Variants in SBK1 observed in about 807,000 individuals in gnomAD.
SBK1 encodes serine/threonine-protein kinase SBK1.
In SBK1, 11 loss-of-function variants were observed where a neutral mutation model predicts 24.4. That is an observed-to-expected ratio of 0.45 (90% confidence interval 0.28 to 0.75). The LOEUF (loss-of-function observed/expected upper bound fraction) is 0.75, where lower values mean the gene tolerates loss of function less well. Ranked by LOEUF, SBK1 falls within the 30% of genes least tolerant of loss-of-function variation. The probability of loss-of-function intolerance (pLI) is 0.12; values close to 1 mark genes in which losing one functional copy is unlikely to be tolerated. For missense variants in SBK1, 467 were observed against 620.5 expected (o/e 0.75, Z 2.63); for synonymous variants, 308 against 284.4 (o/e 1.08, Z -0.83).
intron 1 of SBK1, among the ~76,000 whole-genome samples, chr16:28,270,535 C>T (rs1283694928): frequency 1.3e-5 from 2 of 151,878 alleles, no homozygotes; most frequent in South Asian, 4.2e-4. Context: ...AAATGATCCT[C>T]CTATCTGAGC....
intron 1 of SBK1, among the ~76,000 whole-genome samples, chr16:28,315,277 A>C (rs1308492058): frequency 6.6e-6 from 1 of 152,182 alleles, no homozygotes; most frequent in Admixed American, 6.6e-5. Flanking sequence ...CTTTGGGGTA[A>C]TGGATGTGTT....
chr16:28,302,117 A>G (rs2044683792), intron 1 of SBK1, among the ~76,000 whole-genome samples: 1 of 152,138 alleles, frequency 6.6e-6, no homozygotes, highest in South Asian at 2.1e-4. Context: ...GACATTTTTC[A>G]GGGAAGAAGG....
chr16:28,292,462 G>A, upstream of SBK1: 1 of 893,076 alleles, frequency 1.1e-6, no homozygotes, highest in Non-Finnish European at 1.3e-6. Flanking sequence ...GGCGGCGCGC[G>A]AGCCGGAGGG....
intron 1 of SBK1, among the ~76,000 whole-genome samples, chr16:28,296,092 ATTTTTT>A (rs35049604): frequency 8.3e-6 from 1 of 121,208 alleles, no homozygotes; most frequent in Admixed American, 8.5e-5. Context: ...CATCCAGCTA[ATTTTTT>A]TTTTTTTTTT....
chr16:28,275,324 G>GAAA (rs1377008648), intron 1 of SBK1, among the ~76,000 whole-genome samples: 19 of 152,204 alleles, frequency 1.2e-4, no homozygotes, highest in African/African-American at 4.3e-4. Context: ...AAATAAGTGA[G>GAAA]AAATGGGGGT....
intron 1 of SBK1, among the ~76,000 whole-genome samples, chr16:28,272,619 C>CTTTCTTTTTTTTTTTTTTTTT (rs746450878): frequency 9.4e-6 from 1 of 105,966 alleles, no homozygotes; most frequent in African/African-American, 3.5e-5. Context: ...TTCTTTCTTT[C>CTTTCTTTTTTTTTTTTTTTTT]TTTTTTTTTT....
chr16:28,309,485 A>G (rs2044739532), intron 1 of SBK1, among the ~76,000 whole-genome samples: 1 of 152,222 alleles, frequency 6.6e-6, no homozygotes, highest in Admixed American at 6.5e-5. Flanking sequence ...AATAGAAGGC[A>G]TCACTCAGTT....
intron 1 of SBK1, among the ~76,000 whole-genome samples, chr16:28,304,897 C>T (rs559000651): frequency 2.3e-3 from 357 of 152,088 alleles, no homozygotes; most frequent in African/African-American, 7.8e-3. Context: ...CGTGAGCCAC[C>T]GCGCACGGCA....
chr16:28,272,413 T>C (rs879313612), intron 1 of SBK1, among the ~76,000 whole-genome samples: 27 of 152,066 alleles, frequency 1.8e-4, no homozygotes, highest in Admixed American at 1.6e-3. Flanking sequence ...CTTTATTGAA[T>C]CTTTATGCCT....
At chr16:28,285,726 T>G (rs907916824) in intron 1 of SBK1, 1 of 152,256 alleles carries the variant, frequency 6.6e-6, no homozygotes, top group African/African-American at 2.4e-5. Flanking sequence ...TTGCCCAGGC[T>G]GGTATCGAAC....
At chr16:28,292,440 A>G (rs1415553471), upstream of SBK1, 1 of 727,712 alleles carries the variant, frequency 1.4e-6, no homozygotes, top group Non-Finnish European at 1.7e-6. Flanking sequence ...CGGGACGGAC[A>G]AAGGGGCGGG....
At chr16:28,308,979 A>C (rs2044736121) in intron 1 of SBK1, among the ~76,000 whole-genome samples, 1 of 152,034 alleles carries the variant, frequency 6.6e-6, no homozygotes, top group Non-Finnish European at 1.5e-5. Flanking sequence ...CTTGCTGCAT[A>C]ACCCTTGAAT....
At chr16:28,278,598 G>GCC (rs1466673264) in intron 1 of SBK1, among the ~76,000 whole-genome samples, 3 of 152,090 alleles carry the variant, frequency 2.0e-5, no homozygotes, top group Non-Finnish European at 4.4e-5. Flanking sequence ...CACCCAGGCT[G>GCC]AGTTCAATGG....
chr16:28,317,595 C>A lies in SBK1; in HGVS notation c.204C>A (p.Asp68Glu). Residue 68 changes from aspartate to glutamate, a missense_variant, in exon 2 of 4, where the codon GAC becomes GAA. Physicochemically the swap from Asp to Glu is conservative, Grantham distance 45. Transcript: ENST00000341901. The surrounding 1 kb of genome is among the most constrained non-coding windows in gnomAD (Gnocchi z 4.2). ...GCAAAGGCACCTATGGGAAGGTTGA[C>A]CTGGTGGTCTACAAGGGCACAGGTG... ...ELGKGTYGKV[D>E]LVVYKGTGTK... 6.2e-7 allele frequency: 1 copy of A among 1,613,604 alleles called. No individual in the cohort carries two copies. The highest frequency in any genetic ancestry group is 8.5e-7 in the Non-Finnish European group (1 of 1,179,512).
chr16:28,305,056 G>A (rs2044706546), intron 1 of SBK1, among the ~76,000 whole-genome samples: 1 of 151,564 alleles, frequency 6.6e-6, no homozygotes. Context: ...TTCAGGCCCT[G>A]AGCACCTCTG....
At position 28,322,121 on chromosome 16, in the gene SBK1, CAT is replaced by C. The variant is rs2044854513; in HGVS notation, c.*1201_*1202del. ...GAGTGTGTGACTAGGTGTGTGTGCA[CAT>C]GTGTAGGGTGCAGACGCATGGGTGC... On this transcript the variant is annotated 3_prime_UTR_variant, in exon 4 of 4. Coordinates refer to ENST00000341901, the MANE Select transcript of SBK1 (RefSeq NM_001024401.3). 1 of 152,700 alleles carries C rather than the reference CAT, an allele frequency of 6.5e-6. No homozygotes were observed. The highest frequency in any genetic ancestry group is 2.4e-5 in the African/African-American group (1 of 41,402). The allele number at this position is 152,700 out of a possible 1,614,324, so 9.5% of individuals were successfully genotyped here.
intron 1 of SBK1, among the ~76,000 whole-genome samples, chr16:28,260,398 C>T (rs909918350): frequency 7.2e-5 from 11 of 152,148 alleles, no homozygotes; most frequent in Non-Finnish European, 1.3e-4. Context: ...GCAAGGGAGA[C>T]AGGGGTCACC....
intron 1 of SBK1, among the ~76,000 whole-genome samples, chr16:28,310,020 G>A (rs2044743728): frequency 6.6e-6 from 1 of 152,234 alleles, no homozygotes; most frequent in Non-Finnish European, 1.5e-5. Flanking sequence ...GGAAGTGGTG[G>A]GCGGCTCAGT....
At chr16:28,315,860 G>A (rs1164995366) in intron 1 of SBK1, among the ~76,000 whole-genome samples, 1 of 152,120 alleles carries the variant, frequency 6.6e-6, no homozygotes, top group Non-Finnish European at 1.5e-5. Flanking sequence ...CCACCTCCAG[G>A]GTTCAAGAAG....
Sources: gnomAD v4.1 joint callset for allele counts (sites outside exome capture counted in the v4.1 genomes callset) on GRCh38, gnomAD v4.1.1 for gene constraint, Gnocchi (gnomAD v3.1) non-coding constraint, MANE v1.5 for transcripts, NCBI Gene and HGNC (gene_info 2026-07-23, HGNC 2026-07-21) for gene names.